Variants in ITGA9 observed in about 807,000 individuals in gnomAD.
The protein encoded by ITGA9 is integrin alpha-9.
In ITGA9, 56 loss-of-function variants were observed where a neutral mutation model predicts 127.8. The observed-to-expected ratio is 0.44, with a 90% CI of 0.35 to 0.55. ITGA9 has a LOEUF of 0.55. Among genes scored for constraint, ITGA9 ranks in the 20% least tolerant of loss-of-function variants. The pLI, the probability that ITGA9 is intolerant of heterozygous loss-of-function variation, is 0.00. For synonymous variants in ITGA9, 508 were observed against 514.5 expected, an observed-to-expected ratio of 0.99 and a Z score of 0.17; for missense variants, 1,196 against 1,347.1, an observed-to-expected ratio of 0.89 and a Z score of 1.76.
At chr3:37,668,469 GA>G (rs1481189005) in intron 17 of ITGA9, among the ~76,000 whole-genome samples, 4 of 152,222 alleles carry the variant, frequency 2.6e-5, no homozygotes, top group Non-Finnish European at 4.4e-5. Flanking sequence ...AAGGATCTAT[GA>G]AGAGAATGTA....
chr3:37,559,302 C>T (rs1699463033), intron 15 of ITGA9, among the ~76,000 whole-genome samples: 2 of 151,978 alleles, frequency 1.3e-5, no homozygotes, highest in Admixed American at 1.3e-4. Flanking sequence ...ACATATACAC[C>T]CCATAACCAT....
chr3:37,750,683 TC>T, intron 23 of ITGA9, 114 bp downstream of exon 23: 2 of 789,358 alleles, frequency 2.5e-6, no homozygotes, highest in Non-Finnish European at 4.4e-6. Context: ...TTCAACTCAT[TC>T]TACCCTTTGG....
chr3:37,582,475 C>G (rs1297114676), intron 15 of ITGA9, among the ~76,000 whole-genome samples: 1 of 152,208 alleles, frequency 6.6e-6, no homozygotes, highest in Non-Finnish European at 1.5e-5. Flanking sequence ...TGCTCTTACT[C>G]TTCCTACCTC....
At chr3:37,505,904 G>A in intron 6 of ITGA9, 96 bp from the exon 7 acceptor site, 1 of 887,904 alleles carries the variant, frequency 1.1e-6, no homozygotes, top group Non-Finnish European at 1.8e-6. Context: ...CCAAGAGTAG[G>A]GAGCATGCTT....
chr3:37,627,727 C>G (rs1700189694), intron 15 of ITGA9, among the ~76,000 whole-genome samples: 1 of 152,148 alleles, frequency 6.6e-6, no homozygotes, highest in Non-Finnish European at 1.5e-5. Flanking sequence ...TTTGCTTGTT[C>G]AGGTAGCTTT....
At chr3:37,592,954 C>A (rs1396085899) in intron 15 of ITGA9, among the ~76,000 whole-genome samples, 2 of 152,144 alleles carry the variant, frequency 1.3e-5, no homozygotes, top group African/African-American at 4.8e-5. Flanking sequence ...TACTCCATAG[C>A]CTGAAACCAT....
At chr3:37,587,353 C>T (rs776823104) in intron 15 of ITGA9, among the ~76,000 whole-genome samples, 8 of 152,182 alleles carry the variant, frequency 5.3e-5, no homozygotes, top group Non-Finnish European at 1.2e-4. Flanking sequence ...AGTTCAGGTC[C>T]TAACTCCAGT....
chr3:37,575,643 G>A (rs912775463), intron 15 of ITGA9, among the ~76,000 whole-genome samples: 2 of 152,034 alleles, frequency 1.3e-5, no homozygotes, highest in Non-Finnish European at 2.9e-5. Flanking sequence ...AGCCCAATTT[G>A]TGTTGACTGG....
intron 4 of ITGA9, among the ~76,000 whole-genome samples, chr3:37,491,211 A>C (rs909541616): frequency 3.9e-5 from 6 of 151,990 alleles, no homozygotes; most frequent in African/African-American, 1.2e-4. Flanking sequence ...TCCTGGACTC[A>C]AGTGATCTGC....
chr3:37,480,396 C>T (rs1181408893), intron 3 of ITGA9, among the ~76,000 whole-genome samples: 4 of 152,318 alleles, frequency 2.6e-5, no homozygotes, highest in African/African-American at 7.2e-5. Context: ...TCTTCTTCGC[C>T]AGTATGCGGA....
At chr3:37,625,300 A>G (rs1043749348) in intron 15 of ITGA9, among the ~76,000 whole-genome samples, 2 of 152,124 alleles carry the variant, frequency 1.3e-5, no homozygotes, top group African/African-American at 4.8e-5. Flanking sequence ...GAGACTCATT[A>G]TTCCCTGAAG....
chr3:37,577,661 G>C (rs923203320), intron 15 of ITGA9, among the ~76,000 whole-genome samples: 1 of 152,190 alleles, frequency 6.6e-6, no homozygotes, highest in Non-Finnish European at 1.5e-5. Context: ...CTTCTGAACT[G>C]TTTTTGTTCT....
intron 16 of ITGA9, among the ~76,000 whole-genome samples, chr3:37,640,251 G>T (rs555715678): frequency 5.9e-4 from 90 of 152,336 alleles, no homozygotes; most frequent in African/African-American, 2.1e-3. Flanking sequence ...AGTCACACGA[G>T]CCCTTAATAG....
At chr3:37,624,725 G>C (rs1243249638) in intron 15 of ITGA9, among the ~76,000 whole-genome samples, 1 of 152,156 alleles carries the variant, frequency 6.6e-6, no homozygotes, top group African/African-American at 2.4e-5. Flanking sequence ...TCCTGCCTCA[G>C]CCTCCTGAGT....
chr3:37,574,076 CCAGT>C (rs1699629213), intron 15 of ITGA9, among the ~76,000 whole-genome samples: 1 of 152,078 alleles, frequency 6.6e-6, no homozygotes, highest in African/African-American at 2.4e-5. Flanking sequence ...AAAGTTCATC[CCAGT>C]CAATGTCCTG....
In ITGA9 at chr3:37,498,902, C is replaced by T. The variant is rs552261234; in HGVS notation, c.613-4276C>T. Among the ~76,000 whole-genome samples, 7 of 152,332 alleles carry T rather than the reference C, an allele frequency of 4.6e-5. No homozygotes were observed. The East Asian group carries it at 7.7e-4, about 17-fold the overall frequency. On this transcript the variant is annotated intron_variant, in intron 5 of 27. Coordinates refer to ENST00000264741, the MANE Select transcript of ITGA9 (RefSeq NM_002207.3). Reference sequence around the variant, plus strand: ...TGTGGTTGAAGGGTCCAGGCCAGCGCGACTCCCCTCCTCTGCCCTCTTGCT... The same window carrying T: ...TGTGGTTGAAGGGTCCAGGCCAGCGTGACTCCCCTCCTCTGCCCTCTTGCT...
At chr3:37,592,241 C>T (rs778665797) in intron 15 of ITGA9, among the ~76,000 whole-genome samples, 19 of 152,270 alleles carry the variant, frequency 1.2e-4, no homozygotes, top group African/African-American at 2.6e-4. Flanking sequence ...CTGCAACAAA[C>T]CCTCAGTTTT....
intron 25 of ITGA9, among the ~76,000 whole-genome samples, chr3:37,783,254 C>T (rs1034635731): frequency 6.6e-6 from 1 of 152,128 alleles, no homozygotes. Flanking sequence ...CCAGACTCCT[C>T]GTCTGCTTGG....
chr3:37,527,331 A>C (rs1699103430), intron 13 of ITGA9, among the ~76,000 whole-genome samples: 1 of 152,204 alleles, frequency 6.6e-6, no homozygotes, highest in African/African-American at 2.4e-5. Flanking sequence ...TAAGTCGGGG[A>C]CTATCTGCAG....
Sources: allele counts gnomAD v4.1 joint callset (sites outside exome capture counted in the v4.1 genomes callset), GRCh38; gene constraint gnomAD v4.1.1; transcripts MANE v1.5; gene names NCBI Gene and HGNC (gene_info 2026-07-23, HGNC 2026-07-21).